Variants in SULF1 observed in about 807,000 individuals in gnomAD.
SULF1 encodes extracellular sulfatase Sulf-1.
Under a neutral mutation model 110.5 loss-of-function variants are expected in SULF1, and 46 were observed. The ratio of observed to expected loss-of-function variants is 0.42; its 90% CI spans 0.33 to 0.53. The LOEUF (loss-of-function observed/expected upper bound fraction) is 0.53, where lower values mean the gene tolerates loss of function less well. Among genes scored for constraint, SULF1 ranks in the 20% least tolerant of loss-of-function variants. SULF1 has a pLI of 0.12. For synonymous variants in SULF1, 371 were observed against 387.1 expected (o/e 0.96, Z 0.49); for missense variants, 941 against 1,094.2 (o/e 0.86, Z 1.98).
chr8:69,488,867 G>A (rs1385015731), upstream of SULF1, among the ~76,000 whole-genome samples: 1 of 152,150 alleles, frequency 6.6e-6, no homozygotes, highest in East Asian at 1.9e-4. Context: ...GCAGGAGGCA[G>A]TAGTAACAAG....
intron 3 of SULF1, among the ~76,000 whole-genome samples, chr8:69,545,297 T>C (rs558730915): frequency 6.6e-6 from 1 of 152,200 alleles, no homozygotes; most frequent in African/African-American, 2.4e-5. Flanking sequence ...ACTCTTCTGG[T>C]CTGACGTTAA....
intron 13 of SULF1, among the ~76,000 whole-genome samples, chr8:69,614,567 A>C (rs1170884596): frequency 6.6e-6 from 1 of 152,278 alleles, no homozygotes; most frequent in Non-Finnish European, 1.5e-5. Context: ...TGATTCCACC[A>C]AACTAGCTGC....
At chr8:69,547,456 G>T (rs575132718) in intron 3 of SULF1, among the ~76,000 whole-genome samples, 1 of 152,214 alleles carries the variant, frequency 6.6e-6, no homozygotes, top group Non-Finnish European at 1.5e-5. Flanking sequence ...ATATGTGTTA[G>T]AGGAAAATGC....
intron 3 of SULF1, among the ~76,000 whole-genome samples, chr8:69,515,209 A>G (rs1811847309): frequency 6.6e-6 from 1 of 152,004 alleles, no homozygotes. Flanking sequence ...CTGCCTGGAC[A>G]TCCAGGCATG....
At chr8:69,476,331 C>A (rs1809297272) in intron 1 of SULF1, among the ~76,000 whole-genome samples, 1 of 152,050 alleles carries the variant, frequency 6.6e-6, no homozygotes, top group Non-Finnish European at 1.5e-5. Context: ...TTGTTTCAAC[C>A]ATTTCCTATT....
chr8:69,574,703 T>C (rs1805474379), intron 5 of SULF1, among the ~76,000 whole-genome samples: 1 of 152,218 alleles, frequency 6.6e-6, no homozygotes, highest in Non-Finnish European at 1.5e-5. Context: ...TTGCATGAAG[T>C]AGGCACTCAA....
At chr8:69,570,998 C>T (rs1360311325) in intron 5 of SULF1, among the ~76,000 whole-genome samples, 1 of 152,220 alleles carries the variant, frequency 6.6e-6, no homozygotes, top group Admixed American at 6.5e-5. Context: ...GTGTCTGGCT[C>T]CCACTTCATG....
chr8:69,617,414 TATATATATATATATATATA>T (rs1563592257), intron 13 of SULF1, among the ~76,000 whole-genome samples: 98 of 82,440 alleles, frequency 1.2e-3, no homozygotes, highest in African/African-American at 1.6e-3. Context: ...TATATATATA[TATATATATATATATATATA>T]TGTTTTTTTT....
rs569368556 is a variant in SULF1, at chr8:69,555,234, C to T, written c.-133-8305C>T. Among the ~76,000 whole-genome samples, 5 of 152,270 alleles carry T rather than the reference C, an allele frequency of 3.3e-5. No homozygotes were observed. The South Asian group carries it at 8.3e-4, about 25-fold the overall frequency. On this transcript the variant is annotated intron_variant, in intron 3 of 22. Coordinates refer to ENST00000402687, the MANE Select transcript of SULF1 (RefSeq NM_001128205.2). ...CACACTGTTTCCCAGAGCTTTCTTT[C>T]CTGGTCCTCTATCTGCCTCTGCGGG...
At chr8:69,638,428 A>C in intron 19 of SULF1, 74 bp from the exon 20 acceptor site, 1 of 1,513,912 alleles carries the variant, frequency 6.6e-7, no homozygotes, top group Non-Finnish European at 8.9e-7. Context: ...AGATAAGGGA[A>C]CACTGGAATG....
chr8:69,652,582 G>A (rs746462632), intron 22 of SULF1, among the ~76,000 whole-genome samples: 1 of 152,144 alleles, frequency 6.6e-6, no homozygotes, highest in Non-Finnish European at 1.5e-5. Context: ...ATATTGGGTT[G>A]TTAAATCAAG....
chr8:69,563,381 T>C (rs1165478137), intron 3 of SULF1, 158 bp from the exon 4 acceptor site: 1 of 152,290 alleles, frequency 6.6e-6, no homozygotes, highest in Non-Finnish European at 1.5e-5. Flanking sequence ...GTTCTGAAAG[T>C]TGTTTCCTTC....
At chr8:69,504,556 G>GAATA (rs376971920) in intron 3 of SULF1, among the ~76,000 whole-genome samples, 2 of 151,992 alleles carry the variant, frequency 1.3e-5, no homozygotes, top group East Asian at 1.9e-4. Flanking sequence ...CTCTGTCTCT[G>GAATA]AATAAATAAA....
At chr8:69,534,513 T>G (rs1450017891) in intron 3 of SULF1, among the ~76,000 whole-genome samples, 1 of 152,122 alleles carries the variant, frequency 6.6e-6, no homozygotes. Context: ...ATCACTGAAG[T>G]TTTAGAATAT....
At chr8:69,470,768 A>G (rs951123030) in intron 1 of SULF1, among the ~76,000 whole-genome samples, 1 of 152,132 alleles carries the variant, frequency 6.6e-6, no homozygotes, top group African/African-American at 2.4e-5. Context: ...TCCTATTCTA[A>G]TGTGCTGGCC....
intron 3 of SULF1, among the ~76,000 whole-genome samples, chr8:69,525,116 T>C (rs1328593900): frequency 4.6e-5 from 7 of 152,210 alleles, no homozygotes. Flanking sequence ...ATAGTATTTA[T>C]CCTGGTGACA....
chr8:69,640,779 G>T lies in SULF1; in HGVS notation c.2552-29G>T, dbSNP rs752751123. On this transcript the variant is annotated intron_variant, in intron 21 of 22. Coordinates refer to ENST00000402687, the MANE Select transcript of SULF1 (RefSeq NM_001128205.2). Reference sequence around the variant, plus strand: ...GGTTTTATAAGTTCTAAAGCTAACAGAAATTACTCTTGTATTTTCCTATAT... The same window carrying T: ...GGTTTTATAAGTTCTAAAGCTAACATAAATTACTCTTGTATTTTCCTATAT... 5 of 1,598,548 alleles carry T rather than the reference G, an allele frequency of 3.1e-6. No homozygotes were observed. The Admixed American group carries it at 5.2e-5, about 17-fold the overall frequency.
chr8:69,578,203 C>G (rs1443758327), intron 6 of SULF1, among the ~76,000 whole-genome samples: 1 of 152,168 alleles, frequency 6.6e-6, no homozygotes, highest in Non-Finnish European at 1.5e-5. Context: ...TGTGCTATAT[C>G]CACCTTAAGA....
Position 69,633,011 on chromosome 8 carries a change from G to T in SULF1, c.2284+3332G>T, listed in dbSNP as rs183107548. On this transcript the variant is annotated intron_variant, in intron 19 of 22. Coordinates refer to ENST00000402687, the MANE Select transcript of SULF1 (RefSeq NM_001128205.2). Reference sequence around the variant, plus strand: ...CCAGCCTGGGTGACAGAGTGAGACCGCATGTCAGAAGAAAAAAAAAAAAGA... The same window carrying T: ...CCAGCCTGGGTGACAGAGTGAGACCTCATGTCAGAAGAAAAAAAAAAAAGA... Among the ~76,000 whole-genome samples the T allele has an allele frequency of 2.8e-3, 422 of 148,870 alleles. 5 individuals carry two copies. Among genetic ancestry groups the T allele is most frequent in the African/African-American group, 9.7e-3 (393 of 40,314 alleles).
Sources: gnomAD v4.1 joint callset for allele counts (sites outside exome capture counted in the v4.1 genomes callset) on GRCh38, gnomAD v4.1.1 for gene constraint, MANE v1.5 for transcripts, NCBI Gene and HGNC (gene_info 2026-07-23, HGNC 2026-07-21) for gene names.